The following RARB variants were observed in gnomAD, a reference collection of about 807,000 sequenced individuals.
RARB encodes the protein retinoic acid receptor beta, also known as HBV-activated protein.
In RARB, 17 loss-of-function variants were observed where a neutral mutation model predicts 51.9. The ratio of observed to expected loss-of-function variants is 0.33; its 90% confidence interval spans 0.22 to 0.49. The LOEUF is 0.49. Among genes scored for constraint, RARB ranks in the 20% least tolerant of loss-of-function variants. The pLI, the probability that RARB is intolerant of heterozygous loss-of-function variation, is 0.99. For missense variants in RARB, 369 were observed against 550.8 expected, an observed-to-expected ratio of 0.67 and a Z score of 3.30; for synonymous variants, 215 against 195.4, an observed-to-expected ratio of 1.10 and a Z score of -0.84.
chr3:25,573,339 G>A (rs892196109), intron 4 of RARB, among the ~76,000 whole-genome samples: 1 of 152,160 alleles, frequency 6.6e-6, no homozygotes, highest in Non-Finnish European at 1.5e-5. Context: ...CCCAATATGG[G>A]GGTGAGTCAC....
chr3:25,092,892 A>G (rs1219775926), intron 3 of RARB, among the ~76,000 whole-genome samples: 3 of 152,152 alleles, frequency 2.0e-5, no homozygotes, highest in Non-Finnish European at 4.4e-5. Flanking sequence ...GTAGAGAGAG[A>G]TGACTTATTC....
chr3:25,164,704 A>C (rs534660979), intron 4 of RARB, among the ~76,000 whole-genome samples: 2 of 152,270 alleles, frequency 1.3e-5, no homozygotes, highest in African/African-American at 4.8e-5. Context: ...AATTATGTGA[A>C]TTTTTCTTTT....
chr3:25,464,221 C>T (rs565445255), intron 2 of RARB, among the ~76,000 whole-genome samples: 1 of 152,246 alleles, frequency 6.6e-6, no homozygotes, highest in South Asian at 2.1e-4. Flanking sequence ...CAACGTGTCT[C>T]TGTGGCACAT....
chr3:25,555,213 A>T (rs1700008514), intron 3 of RARB, among the ~76,000 whole-genome samples: 1 of 152,204 alleles, frequency 6.6e-6, no homozygotes, highest in East Asian at 1.9e-4. Context: ...CCCTCAATAC[A>T]TGCAATAGTT....
intron 1 of RARB, among the ~76,000 whole-genome samples, chr3:25,438,594 A>T (rs1708532493): frequency 6.6e-6 from 1 of 152,110 alleles, no homozygotes; most frequent in Non-Finnish European, 1.5e-5. Flanking sequence ...GAGGAAATGG[A>T]GGCTCAGGGA....
chr3:24,877,038 T>A (rs1703059722), intron 2 of RARB, among the ~76,000 whole-genome samples: 1 of 152,116 alleles, frequency 6.6e-6, no homozygotes, highest in Non-Finnish European at 1.5e-5. Context: ...TATATGTAAA[T>A]GTATTTGTTT....
At chr3:25,436,877 T>C (rs1708457228) in intron 1 of RARB, among the ~76,000 whole-genome samples, 1 of 152,222 alleles carries the variant, frequency 6.6e-6, no homozygotes, top group South Asian at 2.1e-4. Context: ...CCACCTCTGC[T>C]TCCCCATCAT....
At chr3:25,000,379 C>G (rs1161599372) in intron 2 of RARB, among the ~76,000 whole-genome samples, 1 of 152,148 alleles carries the variant, frequency 6.6e-6, no homozygotes, top group Non-Finnish European at 1.5e-5. Flanking sequence ...CTTGCATGTA[C>G]TAAATCACTT....
At chr3:24,869,345 AGT>A (rs1316463783) in intron 2 of RARB, among the ~76,000 whole-genome samples, 8 of 152,172 alleles carry the variant, frequency 5.3e-5, no homozygotes, top group African/African-American at 1.4e-4. Flanking sequence ...ATATTTCTAG[AGT>A]GTAGAATTTA....
chr3:25,565,380 G>A (rs1338720851), intron 3 of RARB, among the ~76,000 whole-genome samples: 2 of 152,142 alleles, frequency 1.3e-5, no homozygotes, highest in African/African-American at 4.8e-5. Context: ...TTTCAGTATT[G>A]TGGTAAATAA....
chr3:25,412,999 A>G (rs1707606115), intron 5 of RARB, among the ~76,000 whole-genome samples: 1 of 152,036 alleles, frequency 6.6e-6, no homozygotes, highest in Admixed American at 6.6e-5. Context: ...AGCCTGGGCA[A>G]CAAGAGCAAA....
intron 5 of RARB, among the ~76,000 whole-genome samples, chr3:25,271,710 T>G (rs1703261219): frequency 6.6e-6 from 1 of 152,232 alleles, no homozygotes; most frequent in Admixed American, 6.5e-5. Context: ...AAGAATTTTC[T>G]TATTCAGTAA....
At chr3:25,335,592 G>T (rs1489529708) in intron 5 of RARB, among the ~76,000 whole-genome samples, 1 of 152,128 alleles carries the variant, frequency 6.6e-6, no homozygotes, top group Non-Finnish European at 1.5e-5. Context: ...CTGCCCTAGG[G>T]TAACTGCTAA....
chr3:25,406,576 CAT>C (rs1241995039), intron 5 of RARB, among the ~76,000 whole-genome samples: 2 of 152,226 alleles, frequency 1.3e-5, no homozygotes, highest in African/African-American at 4.8e-5. Flanking sequence ...ATAATCTGGT[CAT>C]ATTGGATTAG....
chr3:25,531,497 TAA>T (rs1233008517), intron 3 of RARB, among the ~76,000 whole-genome samples: 1 of 152,078 alleles, frequency 6.6e-6, no homozygotes, highest in Non-Finnish European at 1.5e-5. Context: ...CTCAAATTAT[TAA>T]AGTCTTCTGG....
intron 5 of RARB, among the ~76,000 whole-genome samples, chr3:25,248,687 C>T (rs1225301912): frequency 2.0e-5 from 3 of 152,120 alleles, no homozygotes; most frequent in Admixed American, 6.5e-5. Context: ...TATTTGTCCT[C>T]CTTTTATAAA....
intron 5 of RARB, among the ~76,000 whole-genome samples, chr3:25,404,573 G>A (rs1707355220): frequency 6.6e-6 from 1 of 152,146 alleles, no homozygotes; most frequent in South Asian, 2.1e-4. Context: ...TTATGAAAAG[G>A]AAAGTTTGAG....
chr3:25,197,050 G>T (rs911195726), intron 5 of RARB, among the ~76,000 whole-genome samples: 1 of 152,030 alleles, frequency 6.6e-6, no homozygotes, highest in Non-Finnish European at 1.5e-5. Context: ...TTCTTTTGCC[G>T]TTCAGAAGCT....
At chr3:25,252,999 A>G (rs1005447523) in intron 5 of RARB, among the ~76,000 whole-genome samples, 1 of 152,132 alleles carries the variant, frequency 6.6e-6, no homozygotes, top group Non-Finnish European at 1.5e-5. Context: ...GTACCAATTT[A>G]TGTGTCTGTG....
Sources: allele counts gnomAD v4.1 joint callset (sites outside exome capture counted in the v4.1 genomes callset), GRCh38; gene constraint gnomAD v4.1.1; transcripts MANE v1.5; gene names NCBI Gene and HGNC (gene_info 2026-07-23, HGNC 2026-07-21).